CCND2: variants seen among roughly 807,000 people sequenced by gnomAD.
CCND2 encodes the protein G1/S-specific cyclin-D2.
Under a neutral mutation model 30.2 loss-of-function variants are expected in CCND2, and 6 were observed. The observed-to-expected ratio is 0.20, with a 90% CI of 0.11 to 0.39. The LOEUF (loss-of-function observed/expected upper bound fraction) is 0.39, where lower values mean the gene tolerates loss of function less well. Ranked by LOEUF, CCND2 falls within the 10% of genes least tolerant of loss-of-function variation. CCND2 has a pLI of 1.00. For missense variants in CCND2, 235 were observed against 373.4 expected, an observed-to-expected ratio of 0.63 and a Z score of 3.06; for synonymous variants, 150 against 153.1, an observed-to-expected ratio of 0.98 and a Z score of 0.15.
rs1038597852 is a variant in CCND2 at position 4,293,370 on chromosome 12, G to C, written c.720+4380G>C. ...CTTATATTTATCCTTTTTTGTCTAA[G>C]TCACATCAAAACTCTTTGTCACATT... On this transcript the variant is annotated intron_variant, in intron 4 of 4. Transcript: ENST00000261254. This position sits in a 1 kb window ranked among gnomAD's most constrained non-coding sequence, Gnocchi z 4.9. Among the ~76,000 whole-genome samples, 8 of 152,134 alleles carry C rather than the reference G, an allele frequency of 5.3e-5. No homozygotes were observed. Among genetic ancestry groups the C allele is most frequent in the African/African-American group, 1.9e-4 (8 of 41,408 alleles).
chr12:4,299,983 A>G lies in CCND2; in HGVS notation c.844A>G (p.Thr282Ala). 6.2e-7 allele frequency: 1 copy of G among 1,614,088 alleles called. No homozygotes were observed. The highest frequency in any genetic ancestry group is 8.5e-7 in the Non-Finnish European group (1 of 1,179,978). ...EDELDQASTP[T>A]DVRDIDL ...TGAACTGGACCAAGCCAGCACCCCT[A>G]CAGACGTGCGGGATATCGACCTGTG... The change falls in exon 5 of 5, where the codon ACA becomes GCA. Residue 282 changes from threonine to alanine, a missense_variant. Thr to Ala is a moderately conservative substitution (Grantham distance 58). This residue lies in a region of CCND2 where 57 missense variants were observed against 50.7 expected (regional missense o/e 1.12). Transcript: ENST00000261254. The surrounding 1 kb of genome is among the most constrained non-coding windows in gnomAD (Gnocchi z 5.2).
rs560572191 is a variant in CCND2 at position 4,296,589 on chromosome 12, C to G, written c.721-3271C>G. On this transcript the variant is annotated intron_variant, in intron 4 of 4. Coordinates refer to ENST00000261254, the MANE Select transcript of CCND2 (RefSeq NM_001759.4). ...CTTTTAGATAACAAAAGCTCTTAGG[C>G]CTTATGCTTTGGGTAGGATTTGTCT... 1.0e-3 allele frequency among the ~76,000 whole-genome samples: 152 copies of G among 152,314 alleles called. No homozygotes were observed. The Middle Eastern group carries it at 0.024, about 24-fold the overall frequency.
In CCND2 at chr12:4,302,346, T is replaced by G. The variant is rs1864261343; in HGVS notation, c.*2337T>G. ...GTAATTTGCACTTAGGTACCAGGTG[T>G]CAGGAAACAGACTAAAAAGAATTCC... On this transcript the variant is annotated 3_prime_UTR_variant, in exon 5 of 5. Coordinates refer to ENST00000261254, the MANE Select transcript of CCND2 (RefSeq NM_001759.4). The G allele has an allele frequency of 4.3e-6, 1 of 232,996 alleles. No individual in the cohort carries two copies. Among genetic ancestry groups the G allele is most frequent in the South Asian group, 1.8e-4 (1 of 5,532 alleles). 14.4% of individuals were successfully genotyped at this position (232,996 alleles called of 1,614,324 possible).
intron 4 of CCND2, among the ~76,000 whole-genome samples, chr12:4,298,563 G>A (rs1049244177): frequency 2.6e-5 from 4 of 152,148 alleles, no homozygotes; most frequent in African/African-American, 9.7e-5. Context: ...TAGATCTTTG[G>A]GAAATAAAGA....
chr12:4,287,540 C>T lies in CCND2; in HGVS notation c.572-1302C>T, dbSNP rs3217847. The stretch of plus-strand genomic sequence containing the variant: ...AGCAATGCTAAAACGAGAAAGAGTA[C>T]GCTTTGGAAGACTTGCTGCACTCCA... On this transcript the variant is annotated intron_variant, in intron 3 of 4. Coordinates refer to ENST00000261254, the MANE Select transcript of CCND2 (RefSeq NM_001759.4). The surrounding 1 kb of genome is among the most constrained non-coding windows in gnomAD (Gnocchi z 4.0). Among the ~76,000 whole-genome samples the T allele has an allele frequency of 0.019, 2,966 of 152,222 alleles. 92 individuals are homozygous for T. The highest frequency in any genetic ancestry group is 0.061 in the African/African-American group (2,549 of 41,492).
rs902933761 is a variant in CCND2, at chr12:4,276,987, A to G, written c.411+767A>G. Among the ~76,000 whole-genome samples the G allele has an allele frequency of 6.6e-6, 1 of 152,192 alleles. No homozygotes were observed. Among genetic ancestry groups the G allele is most frequent in the Non-Finnish European group, 1.5e-5 (1 of 68,028 alleles). ...TTGCACACCCCTCTTTGCACTGTTC[A>G]GAAAAGCACCCCCTCCTTCCCGCCC... On this transcript the variant is annotated intron_variant, in intron 2 of 4. Coordinates refer to ENST00000261254, the MANE Select transcript of CCND2 (RefSeq NM_001759.4). The surrounding 1 kb of genome is among the most constrained non-coding windows in gnomAD (Gnocchi z 4.8).
rs1240008312 is a variant in CCND2 at position 4,282,560 on chromosome 12, C to T, written c.571+3641C>T. 6.6e-6 allele frequency among the ~76,000 whole-genome samples: 1 copy of T among 152,180 alleles called. No individual in the cohort carries two copies. The highest frequency in any genetic ancestry group is 2.4e-5 in the African/African-American group (1 of 41,454). The stretch of plus-strand genomic sequence containing the variant: ...CTGGGAAGGAAGAATGGAAACCCGT[C>T]TTTCCATCTGCAAGTCTCTGAGCTA... On this transcript the variant is annotated intron_variant, in intron 3 of 4. Transcript: ENST00000261254. This position sits in a 1 kb window ranked among gnomAD's most constrained non-coding sequence, Gnocchi z 4.3.
intron 4 of CCND2, among the ~76,000 whole-genome samples, chr12:4,295,608 C>T (rs918787266): frequency 1.2e-4 from 19 of 152,158 alleles, no homozygotes; most frequent in African/African-American, 4.6e-4. Flanking sequence ...GAAACCCTGT[C>T]TCTATTAAAA....
At chr12:4,290,584 C>T (rs1864086662) in intron 4 of CCND2, among the ~76,000 whole-genome samples, 1 of 150,640 alleles carries the variant, frequency 6.6e-6, no homozygotes, top group Non-Finnish European at 1.5e-5. Context: ...AGCGGCCACC[C>T]CCCTCCTCCT....
In CCND2 at chr12:4,293,319, A is replaced by G. The variant is rs1389099901; in HGVS notation, c.720+4329A>G. On this transcript the variant is annotated intron_variant, in intron 4 of 4. Transcript: ENST00000261254. The surrounding 1 kb of genome is among the most constrained non-coding windows in gnomAD (Gnocchi z 4.9). ...GTGAAGTTATTGCAAGATACTTAAC[A>G]GAAGAAAGACTCTAGTCATCTGTTC... Among the ~76,000 whole-genome samples the G allele has an allele frequency of 1.1e-4, 16 of 152,272 alleles. No individual in the cohort carries two copies.
rs190523603 is a variant in CCND2, at chr12:4,304,754, G to C, written c.*4745G>C. 1.1e-4 allele frequency: 25 copies of C among 233,692 alleles called. No individual in the cohort carries two copies. In the Admixed American group the frequency reaches 1.1e-3, roughly 11 times the overall value. 14.5% of individuals were successfully genotyped at this position (233,692 alleles called of 1,614,324 possible). On this transcript the variant is annotated 3_prime_UTR_variant, in exon 5 of 5. Transcript: ENST00000261254. The surrounding 1 kb of genome is among the most constrained non-coding windows in gnomAD (Gnocchi z 6.2). ...GAAATAAAGTGCCTTACTGACTGTA[G>C]CCATTACAGTATCCAATGTCTTTTG...
Position 4,287,478 on chromosome 12 carries a change from G to C in CCND2, c.572-1364G>C, listed in dbSNP as rs114142145. On this transcript the variant is annotated intron_variant, in intron 3 of 4. Transcript: ENST00000261254. This position sits in a 1 kb window ranked among gnomAD's most constrained non-coding sequence, Gnocchi z 4.0. ...TGTATGCTGTGTCTCCTGCCCCCAC[G>C]TGCCCCTTCCATGTCTACACACAGT... 1.3e-5 allele frequency among the ~76,000 whole-genome samples: 2 copies of C among 152,174 alleles called. No homozygotes were observed. Among genetic ancestry groups the C allele is most frequent in the Middle Eastern group, 3.4e-3 (1 of 294 alleles).
In CCND2 at chr12:4,285,542, T is replaced by C. The variant is rs892670055; in HGVS notation, c.572-3300T>C. ...ATTTTCCGTGCATCCTTCCAGTTCA[T>C]CCATAGGCATATATGTATGTATTTA... On this transcript the variant is annotated intron_variant, in intron 3 of 4. Transcript: ENST00000261254. The surrounding 1 kb of genome is among the most constrained non-coding windows in gnomAD (Gnocchi z 4.1). 4.0e-5 allele frequency: 16 copies of C among 404,528 alleles called. No homozygotes were observed. Among genetic ancestry groups the C allele is most frequent in the Non-Finnish European group, 5.3e-5 (16 of 299,248 alleles). 25.1% of individuals were successfully genotyped at this position (404,528 alleles called of 1,614,324 possible).
Position 4,301,944 on chromosome 12 carries a change from G to GT in CCND2, c.*1947dup, listed in dbSNP as rs551472296. 0.048 allele frequency: 8,909 copies of GT among 185,302 alleles called. 17 individuals carry two copies. Among genetic ancestry groups the GT allele is most frequent in the Middle Eastern group, 0.092 (49 of 530 alleles). 11.5% of individuals were successfully genotyped at this position (185,302 alleles called of 1,614,324 possible). On this transcript the variant is annotated 3_prime_UTR_variant, in exon 5 of 5. Transcript: ENST00000261254. ...TTTTTTTTTCTTTTTTGGTTTTTTG[G>GT]TTTTTTTTTTTTCCTCTGATCACAT...
chr12:4,295,736 C>T (rs907874580), intron 4 of CCND2, among the ~76,000 whole-genome samples: 1 of 152,196 alleles, frequency 6.6e-6, no homozygotes, highest in Non-Finnish European at 1.5e-5. Context: ...GAGATCGCAC[C>T]ATTGCACTCC....
At chr12:4,280,464 C>T (rs989353029) in intron 3 of CCND2, among the ~76,000 whole-genome samples, 1 of 152,270 alleles carries the variant, frequency 6.6e-6, no homozygotes, top group Non-Finnish European at 1.5e-5. Context: ...ATGGCGTGCA[C>T]ATGCGCCCTG....
At chr12:4,278,271 T>G (rs1304595273) in intron 2 of CCND2, among the ~76,000 whole-genome samples, 3 of 152,184 alleles carry the variant, frequency 2.0e-5, no homozygotes, top group Non-Finnish European at 4.4e-5. Context: ...TGCCAAGGAG[T>G]TGGGCCAAGG....
At chr12:4,277,121 T>C (rs1287056603) in intron 2 of CCND2, among the ~76,000 whole-genome samples, 5 of 152,376 alleles carry the variant, frequency 3.3e-5, no homozygotes, top group African/African-American at 1.2e-4. Context: ...TGCTGCCATC[T>C]AGTGGAAGAC....
chr12:4,298,818 C>T (rs1048960245), intron 4 of CCND2, among the ~76,000 whole-genome samples: 28 of 152,206 alleles, frequency 1.8e-4, no homozygotes, highest in African/African-American at 6.0e-4. Context: ...CAGCAACGGT[C>T]CCTGTCTAGT....
Sources: gnomAD v4.1 joint callset for allele counts (sites outside exome capture counted in the v4.1 genomes callset) on GRCh38, gnomAD v4.1.1 for gene constraint, gnomAD v4.1.1 regional missense constraint, Gnocchi (gnomAD v3.1) non-coding constraint, MANE v1.5 for transcripts, NCBI Gene and HGNC (gene_info 2026-07-23, HGNC 2026-07-21) for gene names.